The following MROH9 variants were observed in gnomAD, a reference collection of about 807,000 sequenced individuals.
MROH9 encodes maestro heat-like repeat-containing protein family member 9.
MROH9 carries 92 observed loss-of-function variants against 98.2 expected under a neutral mutation model. The observed-to-expected ratio is 0.94, with a 90% CI of 0.79 to 1.11. MROH9 has a LOEUF of 1.11. Among genes scored for constraint, MROH9 ranks in the 50% most tolerant of loss-of-function variants. The pLI, the probability that MROH9 is intolerant of heterozygous loss-of-function variation, is 0.00. For missense variants in MROH9, 1,057 were observed against 1,014.8 expected (o/e 1.04, Z -0.57); for synonymous variants, 397 against 368.9 (o/e 1.08, Z -0.87).
chr1:171,040,364 T>C (rs1463716854), intron 20 of MROH9, among the ~76,000 whole-genome samples: 2 of 152,052 alleles, frequency 1.3e-5, no homozygotes, highest in African/African-American at 4.8e-5. Context: ...GCTAAGAGAG[T>C]ACATCTTAGG....
At chr1:171,053,425 T>G (rs771926554) in intron 20 of MROH9, among the ~76,000 whole-genome samples, 5 of 152,200 alleles carry the variant, frequency 3.3e-5, no homozygotes, top group Admixed American at 6.5e-5. Flanking sequence ...GCCTTGAACA[T>G]CTAAATCTCT....
At chr1:171,030,253 G>GT (rs931798640) in intron 20 of MROH9, among the ~76,000 whole-genome samples, 1 of 151,586 alleles carries the variant, frequency 6.6e-6, no homozygotes, top group African/African-American at 2.4e-5. Flanking sequence ...TGGATTTATT[G>GT]TTTTTTTGGA....
chr1:170,959,774 A>G (rs374973698), intron 5 of MROH9, among the ~76,000 whole-genome samples, 177 bp downstream of exon 5: 4 of 152,284 alleles, frequency 2.6e-5, no homozygotes, highest in African/African-American at 9.6e-5. Flanking sequence ...AACCCATGGG[A>G]TTTTAATGGA....
intron 3 of MROH9, among the ~76,000 whole-genome samples, chr1:170,950,745 T>C (rs1459155853): frequency 6.6e-6 from 1 of 152,136 alleles, no homozygotes; most frequent in African/African-American, 2.4e-5. Flanking sequence ...AAAAACATGC[T>C]TCTATGAATA....
At chr1:171,026,192 C>A (rs1423172797) in intron 20 of MROH9, among the ~76,000 whole-genome samples, 2 of 152,026 alleles carry the variant, frequency 1.3e-5, no homozygotes, top group Non-Finnish European at 2.9e-5. Flanking sequence ...GCAGAACACA[C>A]ACAGACACAG....
chr1:170,981,984 C>A (rs886638044), intron 8 of MROH9, among the ~76,000 whole-genome samples: 1 of 152,040 alleles, frequency 6.6e-6, no homozygotes, highest in Non-Finnish European at 1.5e-5. Flanking sequence ...ACATACATTG[C>A]GGGTGAAACT....
chr1:170,944,913 TTA>T (rs1323399998), intron 1 of MROH9, among the ~76,000 whole-genome samples: 1 of 152,018 alleles, frequency 6.6e-6, no homozygotes. Context: ...ATTCTCATGA[TTA>T]TGTTATATAA....
chr1:171,024,825 CAA>C, intron 19 of MROH9, 60 bp downstream of exon 19: 1 of 1,020,274 alleles, frequency 9.8e-7, no homozygotes, highest in South Asian at 1.4e-5. Context: ...ACAGGATATC[CAA>C]AGTGATAAAA....
chr1:170,991,195 A>G (rs1486530449), intron 11 of MROH9, among the ~76,000 whole-genome samples: 1 of 152,210 alleles, frequency 6.6e-6, no homozygotes, highest in Admixed American at 6.5e-5. Context: ...CAAAGCTGCT[A>G]CCAGCAGGTC....
intron 15 of MROH9, among the ~76,000 whole-genome samples, chr1:171,005,127 T>C (rs899803687): frequency 1.3e-5 from 2 of 152,164 alleles, no homozygotes; most frequent in Admixed American, 1.3e-4. Flanking sequence ...TGCAGTCACA[T>C]GATCTTGACT....
chr1:171,053,118 T>C (rs1298560019), intron 20 of MROH9, among the ~76,000 whole-genome samples: 2 of 152,190 alleles, frequency 1.3e-5, no homozygotes, highest in East Asian at 3.9e-4. Context: ...GCTCTAGTTC[T>C]GCAGCAAGAA....
At chr1:171,061,510 T>A (rs944970107) in intron 20 of MROH9, among the ~76,000 whole-genome samples, 1 of 152,160 alleles carries the variant, frequency 6.6e-6, no homozygotes, top group Non-Finnish European at 1.5e-5. Flanking sequence ...TCGTAAGATG[T>A]ACTTGTATAT....
chr1:171,006,038 A>T (rs140137103), intron 15 of MROH9, among the ~76,000 whole-genome samples: 46 of 152,334 alleles, frequency 3.0e-4, no homozygotes, highest in African/African-American at 1.0e-3. Flanking sequence ...ACATTCACAT[A>T]TTTTAATGTT....
chr1:170,962,375 C>A (rs1650047289), intron 6 of MROH9, among the ~76,000 whole-genome samples: 1 of 152,110 alleles, frequency 6.6e-6, no homozygotes, highest in African/African-American at 2.4e-5. Flanking sequence ...AAAGAAAATG[C>A]TGAGCATTCT....
chr1:171,037,654 C>T (rs1653148278), intron 20 of MROH9, among the ~76,000 whole-genome samples: 1 of 151,838 alleles, frequency 6.6e-6, no homozygotes, highest in Non-Finnish European at 1.5e-5. Context: ...ATAATGGAAA[C>T]TCTAACTGAA....
chr1:171,008,929 T>C (rs1328125668), intron 15 of MROH9, among the ~76,000 whole-genome samples: 1 of 151,970 alleles, frequency 6.6e-6, no homozygotes, highest in African/African-American at 2.4e-5. Flanking sequence ...ATATAAAATG[T>C]AGACTTATTC....
chr1:170,995,813 C>T (rs1281736812), intron 13 of MROH9, among the ~76,000 whole-genome samples: 1 of 152,162 alleles, frequency 6.6e-6, no homozygotes, highest in African/African-American at 2.4e-5. Context: ...CAGTAAGAGA[C>T]TACCACAGAA....
intron 3 of MROH9, among the ~76,000 whole-genome samples, chr1:170,951,173 T>C (rs1242073136): frequency 3.3e-5 from 5 of 152,056 alleles, no homozygotes; most frequent in East Asian, 1.9e-4. Flanking sequence ...TTATTGCCAA[T>C]AGTGTGATAA....
At chr1:171,048,213 C>G (rs1653527620) in intron 20 of MROH9, among the ~76,000 whole-genome samples, 1 of 152,160 alleles carries the variant, frequency 6.6e-6, no homozygotes, top group Admixed American at 6.5e-5. Context: ...GCAAAGCCAG[C>G]CAGGCCTGTG....
Sources: allele counts gnomAD v4.1 joint callset (sites outside exome capture counted in the v4.1 genomes callset), GRCh38; gene constraint gnomAD v4.1.1; transcripts MANE v1.5; gene names NCBI Gene and HGNC (gene_info 2026-07-23, HGNC 2026-07-21).